Variants in PCDHGA1 observed in about 807,000 individuals in gnomAD.
PCDHGA1 encodes the protein protocadherin gamma subfamily A, 1, also known as protocadherin gamma-A1.
PCDHGA1 carries 32 observed loss-of-function variants against 58.0 expected under a neutral mutation model. That is an observed-to-expected ratio of 0.55 (90% CI 0.42 to 0.74). The LOEUF (loss-of-function observed/expected upper bound fraction) is 0.74, where lower values mean the gene tolerates loss of function less well. Ranked by LOEUF, PCDHGA1 falls within the 30% of genes least tolerant of loss-of-function variation. The pLI is 0.00. For synonymous variants in PCDHGA1, 498 were observed against 501.1 expected, an observed-to-expected ratio of 0.99 and a Z score of 0.08; for missense variants, 1,205 against 1,182.3, an observed-to-expected ratio of 1.02 and a Z score of -0.28.
At position 141,399,661 on chromosome 5, in the gene PCDHGA1, G is replaced by T. The variant is rs1021211609; in HGVS notation, c.2421+66556G>T. The T allele has an allele frequency of 6.8e-6, 11 of 1,613,526 alleles. No individual in the cohort carries two copies. Among genetic ancestry groups the T allele is most frequent in the Non-Finnish European group, 9.3e-6 (11 of 1,179,892 alleles). ...GAGCGCGCAAAGTGGGGTGGTGTTC[G>T]CGCAGCGCGCCTTTGACTACGAGCA... On this transcript the variant is annotated intron_variant, in intron 1 of 3. Transcript: ENST00000517417.
rs746063311 is a variant in PCDHGA1, at chr5:141,376,553, G to C, written c.2421+43448G>C. 1.7e-5 allele frequency: 28 copies of C among 1,610,698 alleles called. No homozygotes were observed. The Admixed American group carries it at 2.2e-4, about 13-fold the overall frequency. On this transcript the variant is annotated intron_variant, in intron 1 of 3. Coordinates refer to ENST00000517417, the MANE Select transcript of PCDHGA1 (RefSeq NM_018912.3). ...GCGGGAAGAGTAATCTGATCTTCCC[G>C]CAACCCAACTAATCAGACAGGCTCA...
At position 141,485,704 on chromosome 5, in the gene PCDHGA1, CTT is replaced by C; in HGVS notation, c.2422-9101_2422-9100del. On this transcript the variant is annotated intron_variant, in intron 1 of 3. Coordinates refer to ENST00000517417, the MANE Select transcript of PCDHGA1 (RefSeq NM_018912.3). The surrounding 1 kb of genome is among the most constrained non-coding windows in gnomAD (Gnocchi z 5.7). ...GCTATAGGCTGAGCTCCAATGAACA[CTT>C]TGCACTGGATGTGAAGAAGCGCAGC... is the stretch of plus-strand genomic sequence containing the variant. 6.2e-7 allele frequency: 1 copy of C among 1,614,180 alleles called. No homozygotes were observed. The highest frequency in any genetic ancestry group is 8.5e-7 in the Non-Finnish European group (1 of 1,180,032).
At chr5:141,393,735 G>C (rs1478004701) in intron 1 of PCDHGA1, 3 of 1,613,740 alleles carry the variant, frequency 1.9e-6, no homozygotes, top group Non-Finnish European at 1.7e-6. Context: ...AAAAAGTCTA[G>C]ATTATGAAGA....
At position 141,331,792 on chromosome 5, in the gene PCDHGA1, A is replaced by C; in HGVS notation, c.1108A>C (p.Ser370Arg). 1 of 1,614,216 alleles carries C rather than the reference A, an allele frequency of 6.2e-7. No individual in the cohort carries two copies. The highest frequency in any genetic ancestry group is 8.5e-7 in the Non-Finnish European group (1 of 1,180,038). The change falls in exon 1 of 4, where the codon AGT becomes CGT. Residue 370 changes from serine to arginine, a missense_variant. Coordinates refer to ENST00000517417, the MANE Select transcript of PCDHGA1 (RefSeq NM_018912.3). Reference protein sequence around the residue: ...FPPGTIIALISVHDQDSGDNG... With the variant: ...FPPGTIIALIRVHDQDSGDNG... ...TCCTGGGACCATAATTGCTCTTATC[A>C]GTGTGCATGACCAGGACTCAGGAGA...
At chr5:141,394,384 A>G (rs1379369009) in intron 1 of PCDHGA1, 2 of 1,614,114 alleles carry the variant, frequency 1.2e-6, no homozygotes, top group African/African-American at 2.7e-5. Flanking sequence ...GACTATGAGC[A>G]GATCCGAGAC....
At chr5:141,440,428 C>A (rs1001845529) in intron 1 of PCDHGA1, 1 of 152,132 alleles carries the variant, frequency 6.6e-6, no homozygotes, top group Non-Finnish European at 1.5e-5. Context: ...GCCTGGGTGA[C>A]AGAGCAAGGC....
rs945917670 is a variant in PCDHGA1, at chr5:141,377,790, T to G, written c.2421+44685T>G. On this transcript the variant is annotated intron_variant, in intron 1 of 3. Transcript: ENST00000517417. ...TGGTGTTAAAAGACCTGAATAACAT[T>G]CCTGTAACTATCTGTTATTTACTTG... 2.6e-5 allele frequency: 4 copies of G among 152,296 alleles called. No individual in the cohort carries two copies. The East Asian group carries it at 7.7e-4, about 29-fold the overall frequency. 9.4% of individuals were successfully genotyped at this position (152,296 alleles called of 1,614,324 possible).
Position 141,331,561 on chromosome 5 carries a change from C to T in PCDHGA1, c.877C>T (p.Arg293Cys), listed in dbSNP as rs898742572. Residue 293 changes from arginine to cysteine, a missense_variant, in exon 1 of 4, where the codon CGT (arginine) becomes TGT (cysteine). Coordinates refer to ENST00000517417, the MANE Select transcript of PCDHGA1 (RefSeq NM_018912.3). ...AGACCACAGAGTGGCCCAAATATTTCGTTTAGATTCTTACACAGGAGAAAT... is the reference window on the plus strand; with the variant it reads ...AGACCACAGAGTGGCCCAAATATTTTGTTTAGATTCTTACACAGGAGAAAT... ...NVDHRVAQIF[R>C]LDSYTGEISN... The T allele has an allele frequency of 5.6e-6, 9 of 1,613,958 alleles. No homozygotes were observed. Among genetic ancestry groups the T allele is most frequent in the South Asian group, 1.1e-5 (1 of 91,072 alleles).
At chr5:141,382,013 G>C (rs1000379234) in intron 1 of PCDHGA1, among the ~76,000 whole-genome samples, 1 of 151,580 alleles carries the variant, frequency 6.6e-6, no homozygotes, top group Admixed American at 6.6e-5. Flanking sequence ...ATTTTTAGTA[G>C]AGACGGGGTT....
At chr5:141,338,830 A>C (rs941713920) in intron 1 of PCDHGA1, 4 of 1,391,680 alleles carry the variant, frequency 2.9e-6, no homozygotes, top group Non-Finnish European at 2.8e-6. Flanking sequence ...ACACCAAAGA[A>C]ATTCAGTCGA....
In PCDHGA1 at chr5:141,475,486, T is replaced by C. The variant is rs576743657; in HGVS notation, c.2422-19321T>C. Among the ~76,000 whole-genome samples, 14 of 152,370 alleles carry C rather than the reference T, an allele frequency of 9.2e-5. No homozygotes were observed. In the East Asian group the frequency reaches 2.7e-3, roughly 29 times the overall value. On this transcript the variant is annotated intron_variant, in intron 1 of 3. Transcript: ENST00000517417. ...AATGCTAATTTCATTTGGTAAGAGA[T>C]AAAACTGAAATTATTAATGTCTCCA...
At chr5:141,362,244 C>T (rs1380837904) in intron 1 of PCDHGA1, 4 of 1,613,944 alleles carry the variant, frequency 2.5e-6, no homozygotes, top group Admixed American at 3.3e-5. Context: ...CAGTGCTCTT[C>T]TTCCTCGCGG....
At position 141,332,478 on chromosome 5, in the gene PCDHGA1, G is replaced by A. The variant is rs369957326; in HGVS notation, c.1794G>A (p.Ser598=). The stretch of plus-strand genomic sequence containing the variant: ...AGGTGGTGGCGGTGGACAGAGACTC[G>A]GGCCAGAACGCCTGGCTGTCCTACC... ...VTKVVAVDRD[S]GQNAWLSYRL... is the part of the protein sequence containing the mutation. The change falls in exon 1 of 4, where the codon TCG becomes TCA. Residue 598 remains serine, a synonymous_variant. Transcript: ENST00000517417. The surrounding 1 kb of genome is among the most constrained non-coding windows in gnomAD (Gnocchi z 4.6). 4 of 1,613,268 alleles carry A rather than the reference G, an allele frequency of 2.5e-6. No individual in the cohort carries two copies. The highest frequency in any genetic ancestry group is 1.3e-5 in the African/African-American group (1 of 75,020).
Position 141,485,738 on chromosome 5 carries a change from A to G in PCDHGA1, c.2422-9069A>G, listed in dbSNP as rs1443978038. Reference sequence around the variant, plus strand: ...GGATGTGAAGAAGCGCAGCGACGGCAGCCTGGTCCCAGAGCTGCTCCTGGA... The same window carrying G: ...GGATGTGAAGAAGCGCAGCGACGGCGGCCTGGTCCCAGAGCTGCTCCTGGA... On this transcript the variant is annotated intron_variant, in intron 1 of 3. Transcript: ENST00000517417. This position sits in a 1 kb window ranked among gnomAD's most constrained non-coding sequence, Gnocchi z 5.7. 1 of 1,614,230 alleles carries G rather than the reference A, an allele frequency of 6.2e-7. No individual in the cohort carries two copies.
intron 1 of PCDHGA1, chr5:141,341,652 A>G (rs1277993862): frequency 4.4e-6 from 3 of 676,578 alleles, no homozygotes; most frequent in Non-Finnish European, 7.2e-6. Context: ...CTGCATTAGG[A>G]ACTAGGGTGT....
chr5:141,438,545 A>C (rs915206342), intron 1 of PCDHGA1, among the ~76,000 whole-genome samples: 4 of 140,354 alleles, frequency 2.8e-5, no homozygotes, highest in Admixed American at 7.4e-5. Flanking sequence ...TCTATATCTA[A>C]GCCCTAATAA....
chr5:141,403,604 G>C, intron 1 of PCDHGA1: 2 of 1,613,768 alleles, frequency 1.2e-6, no homozygotes, highest in Non-Finnish European at 1.7e-6. Flanking sequence ...CTCGGATGGC[G>C]GCGAGCCGCG....
chr5:141,376,420 T>C (rs1312408619), intron 1 of PCDHGA1: 5 of 1,614,196 alleles, frequency 3.1e-6, no homozygotes, highest in African/African-American at 1.3e-5. Context: ...CCGACACGCT[T>C]ATCAACCAGG....
chr5:141,404,829 TGC>T lies in PCDHGA1; in HGVS notation c.2421+71727_2421+71728del, dbSNP rs774802551. 6.2e-6 allele frequency: 10 copies of T among 1,608,020 alleles called. No individual in the cohort carries two copies. In the Admixed American group the frequency reaches 1.7e-4, roughly 27 times the overall value. On this transcript the variant is annotated intron_variant, in intron 1 of 3. Coordinates refer to ENST00000517417, the MANE Select transcript of PCDHGA1 (RefSeq NM_018912.3). ...TCGGTGGGGCTGCACACAGGTGAAGTGCGCACAGCTCGGGCCCTGCTAGATAG... is the reference window on the plus strand; with the variant it reads ...TCGGTGGGGCTGCACACAGGTGAAGTGCACAGCTCGGGCCCTGCTAGATAG...
Sources: gnomAD v4.1 joint callset for allele counts (sites outside exome capture counted in the v4.1 genomes callset) on GRCh38, gnomAD v4.1.1 for gene constraint, Gnocchi (gnomAD v3.1) non-coding constraint, MANE v1.5 for transcripts, NCBI Gene and HGNC (gene_info 2026-07-23, HGNC 2026-07-21) for gene names.